Variants in COL5A2 observed in about 807,000 individuals in gnomAD.
COL5A2 encodes the protein collagen type V alpha 2 chain, also known as collagen alpha-2(V) chain.
Under a neutral mutation model 208.2 loss-of-function variants are expected in COL5A2, and 23 were observed. The observed-to-expected ratio is 0.11, with a 90% CI of 0.08 to 0.16. COL5A2 has a LOEUF of 0.16. Ranked by LOEUF, COL5A2 falls within the 10% of genes least tolerant of loss-of-function variation. The pLI is 1.00. For missense variants in COL5A2, 1,590 were observed against 1,956.4 expected, an observed-to-expected ratio of 0.81 and a Z score of 3.53; for synonymous variants, 625 against 628.5, an observed-to-expected ratio of 0.99 and a Z score of 0.08.
chr2:189,258,570 C>G, the COL5A2 span, among the ~76,000 whole-genome samples: 11 of 152,134 alleles, frequency 7.2e-5, no homozygotes, highest in Non-Finnish European at 1.5e-4. Context: ...GGTCCCAGAA[C>G]TGCTGAAAAA....
chr2:189,151,383 T>G (rs1184836120), intron 1 of COL5A2, among the ~76,000 whole-genome samples: 1 of 152,142 alleles, frequency 6.6e-6, no homozygotes, highest in African/African-American at 2.4e-5. Context: ...GAAGCAATCT[T>G]CAGAGCAAAG....
intron 1 of COL5A2, among the ~76,000 whole-genome samples, chr2:189,160,646 G>C (rs991301393): frequency 6.6e-6 from 1 of 151,996 alleles, no homozygotes; most frequent in African/African-American, 2.4e-5. Context: ...ACTGAAGACT[G>C]AGTTTATAAT....
chr2:189,066,764 C>A lies in COL5A2; in HGVS notation c.1420G>T (p.Gly474Cys). ...RGQPGDPGVP[G>C]FKGEAGPKGE... ...TTTGGGCCAGCTTCTCCTTTGAAAC[C>A]TGGAACTCCTGGATCACCCTGAAAA... The change falls in exon 22 of 54, where the codon GGT becomes TGT. Residue 474 changes from glycine to cysteine, a missense_variant. Gly to Cys is a radical substitution (Grantham distance 159, BLOSUM62 -3). Transcript: ENST00000374866. The A allele has an allele frequency of 6.2e-7, 1 of 1,613,534 alleles. No homozygotes were observed. The highest frequency in any genetic ancestry group is 8.5e-7 in the Non-Finnish European group (1 of 1,179,532).
chr2:189,268,040 A>G, the COL5A2 span, among the ~76,000 whole-genome samples: 1 of 152,170 alleles, frequency 6.6e-6, no homozygotes, highest in Admixed American at 6.5e-5. Context: ...CCTATCCCAA[A>G]GTGGCATTAA....
At chr2:189,191,353 G>A (rs1688925698) in intron 1 of COL5A2, among the ~76,000 whole-genome samples, 1 of 152,018 alleles carries the variant, frequency 6.6e-6, no homozygotes, top group South Asian at 2.1e-4. Flanking sequence ...AAAGCTAACT[G>A]CAATAGGCCG....
chr2:189,373,460 T>A, the COL5A2 span, among the ~76,000 whole-genome samples: 1 of 152,200 alleles, frequency 6.6e-6, no homozygotes, highest in South Asian at 2.1e-4. Context: ...AATTTCAATA[T>A]GACCCCTGAG....
chr2:189,103,397 C>T (rs540331556), intron 3 of COL5A2, among the ~76,000 whole-genome samples: 1 of 151,950 alleles, frequency 6.6e-6, no homozygotes, highest in Non-Finnish European at 1.5e-5. Context: ...TGTAGCATTG[C>T]TTTATCTGTT....
chr2:189,046,010 C>T lies in COL5A2; in HGVS notation c.3202-103G>A. The stretch of plus-strand genomic sequence containing the variant: ...ATAGTATTAATAATGGGAAAAAATA[C>T]CCTTTAAAACTTATTTTTACTTATT... On this transcript the variant is annotated intron_variant, in intron 45 of 53. Coordinates refer to ENST00000374866, the MANE Select transcript of COL5A2 (RefSeq NM_000393.5). 4 of 809,022 alleles carry T rather than the reference C, an allele frequency of 4.9e-6. No individual in the cohort carries two copies. In the South Asian group the frequency reaches 7.3e-5, roughly 15 times the overall value. The allele number at this position is 809,022 out of a possible 1,614,324, so 50.1% of individuals were successfully genotyped here. A position where few individuals can be genotyped will look rare whatever the true frequency, so the allele number is the denominator to read the frequency against.
intron 6 of COL5A2, among the ~76,000 whole-genome samples, chr2:189,096,939 C>G (rs963800925): frequency 6.6e-6 from 1 of 152,102 alleles, no homozygotes; most frequent in Non-Finnish European, 1.5e-5. Flanking sequence ...AATTTTTTCC[C>G]GTATCCAGCT....
In COL5A2 at chr2:189,067,107, A is replaced by G. The variant is rs1467616787; in HGVS notation, c.1402-325T>C. Among the ~76,000 whole-genome samples, 3 of 152,200 alleles carry G rather than the reference A, an allele frequency of 2.0e-5. No individual in the cohort carries two copies. In the East Asian group the frequency reaches 5.8e-4, roughly 29 times the overall value. Reference sequence around the variant, plus strand: ...AAATTTGAAAATTAAAATTGGAACTATCAATGACAATTTCTATAGATAAAT... The same window carrying G: ...AAATTTGAAAATTAAAATTGGAACTGTCAATGACAATTTCTATAGATAAAT... On this transcript the variant is annotated intron_variant, in intron 21 of 53. Transcript: ENST00000374866.
intron 24 of COL5A2, 31 bp from the exon 25 acceptor site, chr2:189,064,686 A>C: frequency 1.4e-6 from 2 of 1,436,266 alleles, no homozygotes. Context: ...TGCATGAAGA[A>C]AAAGAGTATA....
intron 1 of COL5A2, among the ~76,000 whole-genome samples, chr2:189,218,266 C>A (rs1218376379): frequency 6.6e-6 from 1 of 152,120 alleles, no homozygotes; most frequent in Non-Finnish European, 1.5e-5. Context: ...AAGGCCTTTG[C>A]AAATGTAGCT....
At chr2:189,396,967 G>A in the COL5A2 span, among the ~76,000 whole-genome samples, 138 of 147,524 alleles carry the variant, frequency 9.4e-4, 2 homozygotes, top group African/African-American at 3.1e-3. Context: ...CTACAGCCTG[G>A]GCGACAGAGC....
chr2:189,260,388 T>A, the COL5A2 span, among the ~76,000 whole-genome samples: 2 of 152,212 alleles, frequency 1.3e-5, no homozygotes, highest in Non-Finnish European at 2.9e-5. Flanking sequence ...TGCAGGAGAC[T>A]CATTCTAGAA....
chr2:189,040,703 G>A (rs115480553), intron 50 of COL5A2, among the ~76,000 whole-genome samples: 1,895 of 151,988 alleles, frequency 0.012, 47 homozygotes, highest in African/African-American at 0.042. Context: ...GAGTTCATGC[G>A]TTCCTTTATA....
chr2:189,133,821 G>A (rs1687773372), intron 1 of COL5A2, among the ~76,000 whole-genome samples: 1 of 152,066 alleles, frequency 6.6e-6, no homozygotes, highest in Non-Finnish European at 1.5e-5. Context: ...TTTCACACAA[G>A]AAAAAGATTT....
chr2:189,249,746 G>C, the COL5A2 span, among the ~76,000 whole-genome samples: 1 of 152,340 alleles, frequency 6.6e-6, no homozygotes, highest in South Asian at 2.1e-4. Context: ...ACTCAGGCTG[G>C]AGTGCAGTGG....
intron 6 of COL5A2, among the ~76,000 whole-genome samples, chr2:189,094,649 A>ACACACACACACACACACACAAAC (rs1576522851): frequency 1.3e-5 from 1 of 76,640 alleles, no homozygotes; most frequent in African/African-American, 3.9e-5. Context: ...ACACACACAT[A>ACACACACACACACACACACAAAC]AATGTTATAG....
At chr2:189,204,672 G>A (rs1259623783) in intron 1 of COL5A2, among the ~76,000 whole-genome samples, 1 of 152,068 alleles carries the variant, frequency 6.6e-6, no homozygotes, top group Non-Finnish European at 1.5e-5. Flanking sequence ...AAAATATGGG[G>A]ACTTAATCAA....
Sources: gnomAD v4.1 joint callset for allele counts (sites outside exome capture counted in the v4.1 genomes callset) on GRCh38, gnomAD v4.1.1 for gene constraint, MANE v1.5 for transcripts, NCBI Gene and HGNC (gene_info 2026-07-23, HGNC 2026-07-21) for gene names.